Variants in THBS4 observed in about 807,000 individuals in gnomAD.
THBS4 encodes thrombospondin 4.
A neutral mutation model predicts 115.7 loss-of-function variants in THBS4; 90 were observed. The observed-to-expected ratio is 0.78, with a 90% CI of 0.66 to 0.93. The LOEUF (loss-of-function observed/expected upper bound fraction) is 0.93. Ranked by LOEUF, THBS4 falls within the 40% of genes least tolerant of loss-of-function variation. THBS4 has a pLI of 0.00. For missense variants in THBS4, 1,087 were observed against 1,232.7 expected (o/e 0.88, Z 1.77); for synonymous variants, 460 against 479.3 (o/e 0.96, Z 0.53).
chr5:80,000,690 G>A (rs1029510955), intron 2 of THBS4, among the ~76,000 whole-genome samples: 5 of 152,206 alleles, frequency 3.3e-5, no homozygotes, highest in African/African-American at 7.2e-5. Context: ...TAATCATAGC[G>A]CTGAAAACCA....
chr5:80,064,369 A>G (rs1277197415), intron 8 of THBS4, among the ~76,000 whole-genome samples: 3 of 152,390 alleles, frequency 2.0e-5, no homozygotes, highest in East Asian at 3.9e-4. Flanking sequence ...TTCAGGGCCA[A>G]TGGAATGCCC....
In THBS4 at chr5:80,059,783, C is replaced by A. The variant is rs149360210; in HGVS notation, c.865C>A (p.Arg289=). The change falls in exon 7 of 22, where the codon CGG becomes AGG. Residue 289 remains arginine (R), a synonymous_variant. Transcript: ENST00000350881. ...TGCACCGCCAACACGCCCACCTCGT[C>A]GGTGTGACTCCAACCCATGTTTCCG... ...PPAPPTRPPR[R]CDSNPCFRGV... is the part of the protein sequence containing the mutation. The A allele has an allele frequency of 1.2e-6, 2 of 1,614,178 alleles. No homozygotes were observed. Among genetic ancestry groups the A allele is most frequent in the East Asian group, 4.5e-5 (2 of 44,884 alleles).
chr5:80,024,235 G>A (rs931358491), intron 2 of THBS4, among the ~76,000 whole-genome samples: 3 of 152,088 alleles, frequency 2.0e-5, no homozygotes, highest in African/African-American at 7.2e-5. Flanking sequence ...ACCATTAAAT[G>A]GCTTCCCAAG....
At chr5:80,006,813 C>T (rs1297998940) in intron 2 of THBS4, among the ~76,000 whole-genome samples, 1 of 152,130 alleles carries the variant, frequency 6.6e-6, no homozygotes, top group Non-Finnish European at 1.5e-5. Flanking sequence ...GTGATGGATA[C>T]TCTAAAAGCC....
rs541322852 is a variant in THBS4 at position 80,059,824 on chromosome 5, C to T, written c.906C>T (p.Thr302=). The T allele has an allele frequency of 3.6e-5, 58 of 1,614,124 alleles. No individual in the cohort carries two copies. The East Asian group carries it at 5.1e-4, about 14-fold the overall frequency. The change falls in exon 7 of 22, where the codon ACC becomes ACT. Residue 302 remains threonine, a synonymous_variant. Transcript: ENST00000350881. ...SNPCFRGVQC[T]DSRDGFQCGP... ...CATGTTTCCGAGGTGTCCAATGTAC[C>T]GACAGTAGAGATGGCTTCCAGTGTG...
intron 2 of THBS4, among the ~76,000 whole-genome samples, chr5:80,041,549 C>G (rs1210240019): frequency 1.3e-5 from 2 of 152,184 alleles, no homozygotes; most frequent in African/African-American, 4.8e-5. Context: ...ACCAGTAGAA[C>G]AGGATGAATA....
chr5:80,077,275 C>A (rs1293415905), intron 16 of THBS4, among the ~76,000 whole-genome samples: 1 of 152,180 alleles, frequency 6.6e-6, no homozygotes, highest in Non-Finnish European at 1.5e-5. Flanking sequence ...TCTTCCTGAA[C>A]AACCCTAGGA....
intron 10 of THBS4, 42 bp from the exon 11 acceptor site, chr5:80,070,264 A>G (rs750592742): frequency 6.6e-7 from 1 of 1,509,652 alleles, no homozygotes; most frequent in East Asian, 2.3e-5. Context: ...GCTTCCTGCC[A>G]GGCTCAGCTT....
At chr5:80,022,303 GT>G (rs1241368574) in intron 2 of THBS4, among the ~76,000 whole-genome samples, 3 of 152,088 alleles carry the variant, frequency 2.0e-5, no homozygotes, top group Admixed American at 1.3e-4. Context: ...CAAGTTTTTA[GT>G]TATTTTCACT....
At chr5:80,049,145 A>G (rs543937230) in intron 2 of THBS4, among the ~76,000 whole-genome samples, 5 of 152,224 alleles carry the variant, frequency 3.3e-5, no homozygotes, top group African/African-American at 4.8e-5. Context: ...GACATTCAAC[A>G]TATCATAATA....
intron 1 of THBS4, 79 bp from the exon 2 acceptor site, chr5:80,039,998 A>C: frequency 1.7e-6 from 2 of 1,194,060 alleles, no homozygotes; most frequent in Non-Finnish European, 2.5e-6. Context: ...GTCAAATTGC[A>C]CCCCCCCCAA....
In THBS4 at chr5:80,035,917, C is replaced by G. The variant is rs1238359937; in HGVS notation, c.88+292C>G. The G allele has an allele frequency of 3.0e-6, 3 of 1,010,512 alleles. No homozygotes were observed. The highest frequency in any genetic ancestry group is 3.4e-5 in the African/African-American group (2 of 59,360). The allele number at this position is 1,010,512 out of a possible 1,614,324, so 62.6% of individuals were successfully genotyped here. On this transcript the variant is annotated intron_variant, in intron 1 of 21. Coordinates refer to ENST00000350881, the MANE Select transcript of THBS4 (RefSeq NM_003248.6). This position sits in a 1 kb window ranked among gnomAD's most constrained non-coding sequence, Gnocchi z 4.6. ...TTGCCTTCAAAACTTGCTACACGGT[C>G]CTAGACCTCTTAACATGTTAGGCTC...
chr5:79,993,280 G>A (rs1259021579), intron 1 of THBS4, among the ~76,000 whole-genome samples: 2 of 152,316 alleles, frequency 1.3e-5, no homozygotes, highest in East Asian at 3.9e-4. Flanking sequence ...ATAGATAATA[G>A]CAATCTTTTA....
chr5:80,013,179 A>T (rs1212775855), intron 2 of THBS4, among the ~76,000 whole-genome samples: 2 of 152,050 alleles, frequency 1.3e-5, no homozygotes, highest in African/African-American at 2.4e-5. Context: ...TCGCTCTGTC[A>T]CCCAGGCTGG....
chr5:80,082,536 C>A lies in THBS4; in HGVS notation c.2815C>A (p.Arg939Ser). The A allele has an allele frequency of 6.2e-7, 1 of 1,614,182 alleles. No individual in the cohort carries two copies. The highest frequency in any genetic ancestry group is 8.5e-7 in the Non-Finnish European group (1 of 1,180,036). Residue 939 changes from arginine (R) to serine (S), a missense_variant, in exon 21 of 22, where the codon CGC (arginine) becomes AGC (serine). Transcript: ENST00000350881. The stretch of plus-strand genomic sequence containing the variant: ...CATCATCTGGTCCAACCTCAAGTAT[C>A]GCTGCAATGGTAATGTGCATTCTCG... ...ENIIWSNLKY[R>S]CNDTIPEDFQ...
At position 80,067,999 on chromosome 5, in the gene THBS4, G is replaced by A. The variant is rs1350889748; in HGVS notation, c.1221G>A (p.Lys407=). 2 of 1,614,156 alleles carry A rather than the reference G, an allele frequency of 1.2e-6. No individual in the cohort carries two copies. The highest frequency in any genetic ancestry group is 1.3e-5 in the African/African-American group (1 of 75,024). The change falls in exon 10 of 22, where the codon AAG becomes AAA. Residue 407 remains lysine (K), a synonymous_variant. Transcript: ENST00000350881. ...GATCTTACCGCTGTGGGCCTTGTAA[G>A]CCGGGGTATACTGGTGATCAGATAA... is the stretch of plus-strand genomic sequence containing the variant. ...TLGSYRCGPC[K]PGYTGDQIRG...
chr5:80,057,052 T>G (rs1833454950), intron 3 of THBS4, among the ~76,000 whole-genome samples: 1 of 152,220 alleles, frequency 6.6e-6, no homozygotes, highest in Admixed American at 6.5e-5. Flanking sequence ...CCGAGGTTTT[T>G]GGGGATTTTT....
chr5:80,043,993 C>A (rs1032991194), intron 2 of THBS4, among the ~76,000 whole-genome samples: 2 of 152,204 alleles, frequency 1.3e-5, no homozygotes, highest in Non-Finnish European at 2.9e-5. Context: ...TCCTTGGGGC[C>A]GCACATGCTG....
intron 2 of THBS4, among the ~76,000 whole-genome samples, chr5:80,027,420 C>G (rs1349601160): frequency 6.6e-6 from 1 of 152,188 alleles, no homozygotes; most frequent in Admixed American, 6.5e-5. Context: ...GGCATAACAT[C>G]ATTAATTCAC....
Sources: allele counts gnomAD v4.1 joint callset (sites outside exome capture counted in the v4.1 genomes callset), GRCh38; gene constraint gnomAD v4.1.1; non-coding constraint Gnocchi (gnomAD v3.1); transcripts MANE v1.5; gene names NCBI Gene and HGNC (gene_info 2026-07-23, HGNC 2026-07-21).